The following MGMT variants were observed in gnomAD, a reference collection of about 807,000 sequenced individuals.
The protein encoded by MGMT is methylated-DNA--protein-cysteine methyltransferase.
MGMT carries 14 observed loss-of-function variants against 15.9 expected under a neutral mutation model. That is an observed-to-expected ratio of 0.88 (90% CI 0.58 to 1.37). The LOEUF is 1.37. MGMT is among the 40% of genes most tolerant of loss of function. The pLI is 0.00. For synonymous variants in MGMT, 130 were observed against 118.2 expected (o/e 1.10, Z -0.65); for missense variants, 282 against 268.1 (o/e 1.05, Z -0.36).
At chr10:129,652,231 C>G (rs1464155932) in intron 2 of MGMT, among the ~76,000 whole-genome samples, 3 of 152,244 alleles carry the variant, frequency 2.0e-5, no homozygotes. Context: ...GCGGAGAACA[C>G]TCTCCTCTCC....
intron 2 of MGMT, among the ~76,000 whole-genome samples, chr10:129,539,190 T>A (rs1846017211): frequency 6.6e-6 from 1 of 152,228 alleles, no homozygotes; most frequent in Non-Finnish European, 1.5e-5. Context: ...ATTTGTCTAC[T>A]GTAATGTCTG....
intron 1 of MGMT, among the ~76,000 whole-genome samples, chr10:129,516,376 G>A (rs1347492656): frequency 6.6e-6 from 1 of 152,200 alleles, no homozygotes; most frequent in African/African-American, 2.4e-5. Context: ...GCAGAGCAAG[G>A]AAGAGTTAGT....
At chr10:129,721,771 C>T (rs566482795) in intron 3 of MGMT, among the ~76,000 whole-genome samples, 34 of 151,400 alleles carry the variant, frequency 2.2e-4, no homozygotes, top group South Asian at 4.2e-4. Context: ...ATCTATAGCT[C>T]ATGGGCCAAC....
chr10:129,657,711 A>G lies in MGMT; in HGVS notation c.126-50184A>G, dbSNP rs1047977998. Among the ~76,000 whole-genome samples the G allele has an allele frequency of 1.4e-4, 20 of 144,836 alleles. No homozygotes were observed. In the East Asian group the frequency reaches 1.4e-3, roughly 10 times the overall value. ...CACACACACACACACACACACGCAC[A>G]CACACACACACACACACCCCCTCTC... On this transcript the variant is annotated intron_variant, in intron 2 of 4. Coordinates refer to ENST00000651593, the MANE Select transcript of MGMT (RefSeq NM_002412.5).
At chr10:129,539,239 G>GT (rs926466443) in intron 2 of MGMT, among the ~76,000 whole-genome samples, 6 of 151,722 alleles carry the variant, frequency 4.0e-5, no homozygotes, top group East Asian at 1.9e-4. Flanking sequence ...AAGCTTTGTA[G>GT]TTTTTTTTAT....
At chr10:129,573,366 A>G (rs554455114) in intron 2 of MGMT, among the ~76,000 whole-genome samples, 7 of 152,328 alleles carry the variant, frequency 4.6e-5, no homozygotes, top group East Asian at 1.9e-4. Context: ...GGATCTCCCA[A>G]TGTTAACAGC....
chr10:129,749,253 C>A (rs1367815210), intron 3 of MGMT, among the ~76,000 whole-genome samples: 1 of 152,120 alleles, frequency 6.6e-6, no homozygotes. Context: ...AATAATTTTA[C>A]ACCCTAAAAA....
intron 2 of MGMT, among the ~76,000 whole-genome samples, chr10:129,689,090 C>A (rs1564762115): frequency 6.6e-6 from 1 of 152,052 alleles, no homozygotes. Context: ...CCACCACGCC[C>A]AGCTAATTTT....
At chr10:129,718,053 G>C (rs929959482) in intron 3 of MGMT, among the ~76,000 whole-genome samples, 1 of 152,162 alleles carries the variant, frequency 6.6e-6, no homozygotes, top group East Asian at 1.9e-4. Context: ...AGCTCTTTCT[G>C]TGTTAGCCAG....
At chr10:129,629,192 C>T (rs1219319167) in intron 2 of MGMT, among the ~76,000 whole-genome samples, 2 of 152,234 alleles carry the variant, frequency 1.3e-5, no homozygotes, top group Admixed American at 1.3e-4. Flanking sequence ...TTTCAAGATA[C>T]TGTAAATAAT....
intron 1 of MGMT, among the ~76,000 whole-genome samples, chr10:129,522,851 A>C (rs534747958): frequency 3.9e-5 from 6 of 152,300 alleles, no homozygotes; most frequent in African/African-American, 1.4e-4. Flanking sequence ...TGCTCGGGGC[A>C]GGAATTGGTG....
chr10:129,538,931 G>A (rs750576683), intron 2 of MGMT, among the ~76,000 whole-genome samples: 1 of 152,180 alleles, frequency 6.6e-6, no homozygotes, highest in African/African-American at 2.4e-5. Context: ...ACTGCGCCTG[G>A]CCACCTTTTG....
intron 2 of MGMT, among the ~76,000 whole-genome samples, chr10:129,594,069 G>A (rs1846722018): frequency 6.6e-6 from 1 of 152,170 alleles, no homozygotes; most frequent in Non-Finnish European, 1.5e-5. Context: ...GTTTATGCGA[G>A]GCCGGCAAAG....
At chr10:129,482,535 C>T (rs560453041) in intron 1 of MGMT, among the ~76,000 whole-genome samples, 1 of 152,078 alleles carries the variant, frequency 6.6e-6, no homozygotes, top group Non-Finnish European at 1.5e-5. Context: ...ACTTATTACC[C>T]CTTTCAGTTC....
intron 1 of MGMT, among the ~76,000 whole-genome samples, chr10:129,510,559 C>T (rs1407605265): frequency 1.3e-5 from 2 of 150,052 alleles, no homozygotes; most frequent in Non-Finnish European, 2.9e-5. Flanking sequence ...GCATTGGGGG[C>T]TTGCTGGTTA....
chr10:129,698,091 T>C (rs570288853), intron 2 of MGMT, among the ~76,000 whole-genome samples: 36 of 152,262 alleles, frequency 2.4e-4, no homozygotes, highest in African/African-American at 8.7e-4. Flanking sequence ...CTCCAGAGCC[T>C]GCAGGGGTAC....
intron 2 of MGMT, among the ~76,000 whole-genome samples, chr10:129,673,609 C>A (rs528738620): frequency 6.6e-6 from 1 of 152,238 alleles, no homozygotes; most frequent in South Asian, 2.1e-4. Flanking sequence ...TGGCCAAGGA[C>A]CAGCCCTCTG....
chr10:129,467,253 C>A lies in MGMT; in HGVS notation c.-56C>A. The stretch of plus-strand genomic sequence containing the variant: ...CCCGCGCCCCTAGAACGCTTTGCGT[C>A]CCGACGCCCGCAGGTCCTCGCGGTG... On this transcript the variant is annotated 5_prime_UTR_variant, in exon 1 of 5. Coordinates refer to ENST00000651593, the MANE Select transcript of MGMT (RefSeq NM_002412.5). 1 of 1,544,170 alleles carries A rather than the reference C, an allele frequency of 6.5e-7. No homozygotes were observed. Among genetic ancestry groups the A allele is most frequent in the East Asian group, 2.5e-5 (1 of 39,884 alleles).
At chr10:129,643,403 A>G (rs1458780954) in intron 2 of MGMT, among the ~76,000 whole-genome samples, 2 of 152,230 alleles carry the variant, frequency 1.3e-5, no homozygotes, top group Non-Finnish European at 2.9e-5. Flanking sequence ...TTGATGTGCC[A>G]GTAACTCCCT....
Sources: gnomAD v4.1 joint callset for allele counts (sites outside exome capture counted in the v4.1 genomes callset) on GRCh38, gnomAD v4.1.1 for gene constraint, MANE v1.5 for transcripts, NCBI Gene and HGNC (gene_info 2026-07-23, HGNC 2026-07-21) for gene names.